The following DNAH12 variants were observed in gnomAD, a reference collection of about 807,000 sequenced individuals.
DNAH12 encodes dynein axonemal heavy chain 12.
A neutral mutation model predicts 371.5 loss-of-function variants in DNAH12; 285 were observed. The observed-to-expected ratio is 0.77, with a 90% confidence interval of 0.70 to 0.85. The LOEUF is 0.85. Among genes scored for constraint, DNAH12 ranks in the 40% least tolerant of loss-of-function variants. DNAH12 has a pLI of 0.00. For synonymous variants in DNAH12, 1,200 were observed against 1,213.0 expected (o/e 0.99, Z 0.22); for missense variants, 3,611 against 3,689.4 (o/e 0.98, Z 0.55).
At chr3:57,449,891 C>T (rs2065697579) in intron 25 of DNAH12, among the ~76,000 whole-genome samples, 1 of 152,208 alleles carries the variant, frequency 6.6e-6, no homozygotes, top group South Asian at 2.1e-4. Context: ...TGAGGACTGC[C>T]ATCACGCTGT....
chr3:57,311,053 A>G (rs1430598754), intron 66 of DNAH12, 103 bp from the exon 67 acceptor site: 1 of 838,246 alleles, frequency 1.2e-6, no homozygotes. Flanking sequence ...TGAAAGAATT[A>G]TCATGAGTTG....
chr3:57,536,653 G>A (rs2069058352), intron 2 of DNAH12, among the ~76,000 whole-genome samples: 2 of 152,116 alleles, frequency 1.3e-5, no homozygotes, highest in African/African-American at 2.4e-5. Context: ...TCCCTAAAGA[G>A]TCTAGCTCTC....
chr3:57,301,873 C>T lies in DNAH12; in HGVS notation c.11256G>A (p.Met3752Ile). 6.4e-7 allele frequency: 1 copy of T among 1,551,632 alleles called. No individual in the cohort carries two copies. Among genetic ancestry groups the T allele is most frequent in the Non-Finnish European group, 8.7e-7 (1 of 1,146,982 alleles). Residue 3752 changes from methionine to isoleucine, a missense_variant, in exon 70 of 74, where the codon ATG becomes ATA. Around this residue, in one of 3 missense-constraint regions of DNAH12, gnomAD observed 2,266 missense variants for 2,236.9 expected, o/e 1.01. Coordinates refer to ENST00000495027, the MANE Select transcript of DNAH12 (RefSeq NM_001366028.2). ...CGGAGAGTGCCTCCAATGCAGAATC[C>T]ATCACAACCACACCCTTAATAGCTT... The part of the protein sequence containing the change: ...LEKAIKGVVV[M>I]DSALEALSGS...
Position 57,468,865 on chromosome 3 carries a change from T to C in DNAH12, c.2220A>G (p.Lys740=), listed in dbSNP as rs1457317807. 7 of 1,523,468 alleles carry C rather than the reference T, an allele frequency of 4.6e-6. No individual in the cohort carries two copies. In the East Asian group the frequency reaches 1.5e-4, roughly 32 times the overall value. 94.4% of individuals were successfully genotyped at this position (1,523,468 alleles called of 1,614,324 possible). Residue 740 remains lysine (K), a synonymous_variant, in exon 17 of 74, where the codon AAA becomes AAG. Coordinates refer to ENST00000495027, the MANE Select transcript of DNAH12 (RefSeq NM_001366028.2). Reference sequence around the variant, plus strand: ...CTGCCTTTCTTTTTTCTTGTAATTCTTTCTTTAGCTTCGTTTGGAAAAATT... The same window carrying C: ...CTGCCTTTCTTTTTTCTTGTAATTCCTTCTTTAGCTTCGTTTGGAAAAATT... ...TLKFFQTKLK[K]ELQEKRKAAR...
At chr3:57,391,007 C>T (rs1343462116) in intron 45 of DNAH12, among the ~76,000 whole-genome samples, 1 of 152,130 alleles carries the variant, frequency 6.6e-6, no homozygotes, top group Non-Finnish European at 1.5e-5. Flanking sequence ...CTATACCAAA[C>T]AATTTTCAGT....
At chr3:57,499,098 AAG>A (rs1390289450) in intron 11 of DNAH12, among the ~76,000 whole-genome samples, 1 of 152,196 alleles carries the variant, frequency 6.6e-6, no homozygotes, top group Non-Finnish European at 1.5e-5. Flanking sequence ...ATGCTAGTAA[AAG>A]AAATCAGATG....
chr3:57,498,323 T>C (rs1046058011), intron 11 of DNAH12: 2 of 579,240 alleles, frequency 3.5e-6, no homozygotes, highest in African/African-American at 3.7e-5. Context: ...TTAAGTTTCT[T>C]CTGTTTTTTG....
chr3:57,386,913 T>G (rs1456911924), intron 46 of DNAH12, among the ~76,000 whole-genome samples, 173 bp downstream of exon 46: 1 of 152,168 alleles, frequency 6.6e-6, no homozygotes, highest in Non-Finnish European at 1.5e-5. Context: ...CTATTTCACA[T>G]GTTTCATAAG....
chr3:57,337,909 T>C (rs1412316202), intron 60 of DNAH12, among the ~76,000 whole-genome samples: 6 of 152,180 alleles, frequency 3.9e-5, no homozygotes, highest in Non-Finnish European at 5.9e-5. Flanking sequence ...TTCATAGTAC[T>C]TGCAGAATAC....
intron 30 of DNAH12, among the ~76,000 whole-genome samples, chr3:57,435,830 T>C (rs2065105961): frequency 6.6e-6 from 1 of 151,784 alleles, no homozygotes; most frequent in South Asian, 2.1e-4. Flanking sequence ...AATCCTTGGG[T>C]ATTGAATGCA....
At position 57,477,296 on chromosome 3, in the gene DNAH12, G is replaced by T. The variant is rs537666049; in HGVS notation, c.1651-4625C>A. 6.6e-5 allele frequency among the ~76,000 whole-genome samples: 10 copies of T among 152,304 alleles called. No homozygotes were observed. In the East Asian group the frequency reaches 1.7e-3, roughly 26 times the overall value. On this transcript the variant is annotated intron_variant, in intron 13 of 73. Coordinates refer to ENST00000495027, the MANE Select transcript of DNAH12 (RefSeq NM_001366028.2). ...GATTATATCCTGTGCATGGCTCAGA[G>T]GGTCCTACACCCACGGAGCCTCACT... is the stretch of plus-strand genomic sequence containing the variant.
At chr3:57,462,630 T>A in intron 18 of DNAH12, 60 bp downstream of exon 18, 2 of 1,506,024 alleles carry the variant, frequency 1.3e-6, no homozygotes, top group East Asian at 2.5e-5. Context: ...CAACAAAAAC[T>A]ATGATTACTT....
rs2063384051 is a variant in DNAH12, at chr3:57,381,242, TG to T, written c.7993-876del. ...TCCGGAAGCCTGATAGGGAGGTGTGTGTGTGTGTGTGTGTGTGTGTAAATGA... is the reference window on the plus strand; with the variant it reads ...TCCGGAAGCCTGATAGGGAGGTGTGTTGTGTGTGTGTGTGTGTGTAAATGA... On this transcript the variant is annotated intron_variant, in intron 50 of 73. Transcript: ENST00000495027. Among the ~76,000 whole-genome samples the T allele has an allele frequency of 8.7e-5, 13 of 149,236 alleles. No individual in the cohort carries two copies. In the South Asian group the frequency reaches 2.1e-3, roughly 24 times the overall value.
rs2061570857 is a variant in DNAH12 at position 57,310,946 on chromosome 3, A to C, written c.10667T>G (p.Phe3556Cys). Reference sequence around the variant, plus strand: ...TGGAATTGTATCATATTCATTGATAAATAACTGAAGCAAAGGAAAAATGAA... The same window carrying C: ...TGGAATTGTATCATATTCATTGATACATAACTGAAGCAAAGGAAAAATGAA... ...LRISIRQLQL[F>C]INEYDTIPFE... Residue 3556 changes from phenylalanine (F) to cysteine (C), a missense_variant, in exon 67 of 74, where the codon TTT becomes TGT. By Grantham distance (205) the Phe-to-Cys change is radical. Around this residue, in one of 3 missense-constraint regions of DNAH12, gnomAD observed 2,266 missense variants for 2,236.9 expected, o/e 1.01. Coordinates refer to ENST00000495027, the MANE Select transcript of DNAH12 (RefSeq NM_001366028.2). 6.5e-7 allele frequency: 1 copy of C among 1,540,366 alleles called. No homozygotes were observed. The highest frequency in any genetic ancestry group is 8.8e-7 in the Non-Finnish European group (1 of 1,138,458).
intron 68 of DNAH12, 51 bp downstream of exon 68, chr3:57,309,615 A>T (rs1346020476): frequency 1.5e-6 from 2 of 1,372,286 alleles, no homozygotes; most frequent in East Asian, 5.3e-5. Flanking sequence ...TTGTCATTTC[A>T]GTATCATTTT....
At position 57,433,694 on chromosome 3, in the gene DNAH12, G is replaced by A; in HGVS notation, c.4790C>T (p.Ser1597Phe). 6.4e-7 allele frequency: 1 copy of A among 1,551,100 alleles called. No homozygotes were observed. Among genetic ancestry groups the A allele is most frequent in the Non-Finnish European group, 8.7e-7 (1 of 1,146,898 alleles). The change falls in exon 31 of 74, where the codon TCT (serine) becomes TTT (phenylalanine). Residue 1597 changes from serine to phenylalanine, a missense_variant. By Grantham distance (155) the Ser-to-Phe change is radical. Coordinates refer to ENST00000495027, the MANE Select transcript of DNAH12 (RefSeq NM_001366028.2). ...KVIYRTVNPK[S>F]ITMGQLFGQF... The stretch of plus-strand genomic sequence containing the variant: ...TCCAAAAAGTTGGCCCATAGTAATA[G>A]ATTTGGGGTTTACAGTTCTATAAAT...
In DNAH12 at chr3:57,508,530, A is replaced by C; in HGVS notation, c.553T>G (p.Tyr185Asp). The C allele has an allele frequency of 6.2e-7, 1 of 1,607,870 alleles. No individual in the cohort carries two copies. Among genetic ancestry groups the C allele is most frequent in the Non-Finnish European group, 8.5e-7 (1 of 1,178,646 alleles). ...TAGCTAGAATGCCAAGGATTAGAAT[A>C]ATCTAGGCCTCTGGAAAAGCAAAAC... is the stretch of plus-strand genomic sequence containing the variant. ...PLPESPVGLD[Y>D]SNPWHSSYVQ... The change falls in exon 7 of 74, where the codon TAT becomes GAT. Residue 185 changes from tyrosine (Y) to aspartate (D), a missense_variant. Physicochemically the swap from Tyr to Asp is radical, Grantham distance 160. Coordinates refer to ENST00000495027, the MANE Select transcript of DNAH12 (RefSeq NM_001366028.2).
intron 43 of DNAH12, among the ~76,000 whole-genome samples, chr3:57,396,833 A>G (rs2063751854): frequency 6.6e-6 from 1 of 152,200 alleles, no homozygotes; most frequent in Admixed American, 6.5e-5. Flanking sequence ...CCTGGCCAGC[A>G]TGGTGAAATC....
chr3:57,527,238 T>C (rs890058928), intron 2 of DNAH12, among the ~76,000 whole-genome samples: 9 of 152,186 alleles, frequency 5.9e-5, no homozygotes, highest in African/African-American at 1.7e-4. Flanking sequence ...GACTCATGCC[T>C]GTAATTCCAG....
Sources: allele counts gnomAD v4.1 joint callset (sites outside exome capture counted in the v4.1 genomes callset), GRCh38; gene constraint gnomAD v4.1.1; regional missense constraint gnomAD v4.1.1; transcripts MANE v1.5; gene names NCBI Gene and HGNC (gene_info 2026-07-23, HGNC 2026-07-21).